PALLD: variants seen among roughly 807,000 people sequenced by gnomAD.
PALLD encodes the protein palladin.
Under a neutral mutation model 123.5 loss-of-function variants are expected in PALLD, and 61 were observed. The ratio of observed to expected loss-of-function variants is 0.49; its 90% CI spans 0.40 to 0.61. PALLD has a LOEUF of 0.61. Ranked by LOEUF, PALLD falls within the 20% of genes least tolerant of loss-of-function variation. The pLI is 0.00. For synonymous variants in PALLD, 465 were observed against 496.4 expected, an observed-to-expected ratio of 0.94 and a Z score of 0.84; for missense variants, 1,273 against 1,377.0, an observed-to-expected ratio of 0.92 and a Z score of 1.20.
chr4:168,852,009 G>A (rs1157020376), intron 10 of PALLD, among the ~76,000 whole-genome samples: 1 of 152,198 alleles, frequency 6.6e-6, no homozygotes. Context: ...CCAGTGGAGT[G>A]AATCTGGAAG....
In PALLD at chr4:168,749,355, C is replaced by G. The variant is rs527578190; in HGVS notation, c.1964+37432C>G. Among the ~76,000 whole-genome samples the G allele has an allele frequency of 2.0e-5, 3 of 152,008 alleles. No homozygotes were observed. In the South Asian group the frequency reaches 6.2e-4, roughly 32 times the overall value. ...TCCTTTATAGAAACACAAGAACGGCCTAACACACTACATAATGTAACTAAT... is the reference window on the plus strand; with the variant it reads ...TCCTTTATAGAAACACAAGAACGGCGTAACACACTACATAATGTAACTAAT... On this transcript the variant is annotated intron_variant, in intron 10 of 21. Coordinates refer to ENST00000505667, the MANE Select transcript of PALLD (RefSeq NM_001166108.2).
intron 6 of PALLD, among the ~76,000 whole-genome samples, chr4:168,687,678 C>A (rs1782208653): frequency 1.3e-5 from 2 of 152,022 alleles, no homozygotes; most frequent in South Asian, 4.2e-4. Context: ...TGGAATTCCT[C>A]CTGGGCACCA....
At chr4:168,604,995 T>C (rs1773027384) in intron 2 of PALLD, among the ~76,000 whole-genome samples, 1 of 152,230 alleles carries the variant, frequency 6.6e-6, no homozygotes, top group African/African-American at 2.4e-5. Context: ...AAAGCAAGTT[T>C]GCTTTTTTGT....
intron 10 of PALLD, among the ~76,000 whole-genome samples, chr4:168,853,554 G>A (rs72701900): frequency 0.057 from 8,693 of 152,246 alleles, 356 homozygotes; most frequent in Middle Eastern, 0.18. Context: ...CCTGAGGAAA[G>A]AGCCTCAGGA....
At chr4:168,907,385 T>C (rs1758022683) in intron 15 of PALLD, among the ~76,000 whole-genome samples, 1 of 152,142 alleles carries the variant, frequency 6.6e-6, no homozygotes, top group African/African-American at 2.4e-5. Context: ...TTCTACCCAG[T>C]ATGTTGTTGC....
Position 168,785,856 on chromosome 4 carries a change from T to G in PALLD, c.1964+73933T>G, listed in dbSNP as rs1376773640. Among the ~76,000 whole-genome samples, 328 of 129,036 alleles carry G rather than the reference T, an allele frequency of 2.5e-3. 7 individuals are homozygous for G. The highest frequency in any genetic ancestry group is 9.0e-3 in the African/African-American group (308 of 34,336). The allele number at this position is 129,036 out of a possible 152,430, so 84.7% of individuals were successfully genotyped here. The stretch of plus-strand genomic sequence containing the variant: ...CTAATAAACTGTAGAGATATATATA[T>G]ATATATATATATATATATATAGCAT... On this transcript the variant is annotated intron_variant, in intron 10 of 21. Coordinates refer to ENST00000505667, the MANE Select transcript of PALLD (RefSeq NM_001166108.2).
At chr4:168,766,897 T>C (rs1733743544) in intron 10 of PALLD, among the ~76,000 whole-genome samples, 1 of 152,218 alleles carries the variant, frequency 6.6e-6, no homozygotes, top group Non-Finnish European at 1.5e-5. Context: ...GGATGGGTCT[T>C]ATCTCATTGG....
At chr4:168,627,912 T>G (rs1775453438) in intron 2 of PALLD, among the ~76,000 whole-genome samples, 1 of 152,218 alleles carries the variant, frequency 6.6e-6, no homozygotes, top group Non-Finnish European at 1.5e-5. Flanking sequence ...GAGTCAAAAC[T>G]ATCTTGAGAC....
intron 2 of PALLD, among the ~76,000 whole-genome samples, chr4:168,600,086 T>C (rs1232484730): frequency 9.3e-6 from 1 of 106,980 alleles, no homozygotes; most frequent in Non-Finnish European, 2.2e-5. Flanking sequence ...CACACATATA[T>C]ACATGCATGT....
chr4:168,889,530 T>C (rs1286694218), intron 10 of PALLD, among the ~76,000 whole-genome samples: 1 of 152,160 alleles, frequency 6.6e-6, no homozygotes, highest in African/African-American at 2.4e-5. Flanking sequence ...AGGAAGTATA[T>C]ACAATTTATA....
chr4:168,659,745 A>C (rs1485891492), intron 2 of PALLD, among the ~76,000 whole-genome samples: 1 of 152,256 alleles, frequency 6.6e-6, no homozygotes, highest in Non-Finnish European at 1.5e-5. Flanking sequence ...GTTATAAGTC[A>C]GATTTGTTTC....
chr4:168,500,706 G>T (rs1761313203), intron 1 of PALLD, among the ~76,000 whole-genome samples: 1 of 152,060 alleles, frequency 6.6e-6, no homozygotes, highest in Non-Finnish European at 1.5e-5. Context: ...TGACAACATA[G>T]AGGATTCTCC....
chr4:168,541,808 T>A, intron 2 of PALLD, among the ~76,000 whole-genome samples: 1 of 152,200 alleles, frequency 6.6e-6, no homozygotes, highest in Non-Finnish European at 1.5e-5. Flanking sequence ...GCCATTTGAT[T>A]GCCCAATTAT....
intron 2 of PALLD, among the ~76,000 whole-genome samples, chr4:168,658,130 T>TCTC (rs1778763987): frequency 6.6e-6 from 1 of 152,202 alleles, no homozygotes; most frequent in Non-Finnish European, 1.5e-5. Flanking sequence ...AACTGCTGAC[T>TCTC]CCAAGTCCTA....
intron 2 of PALLD, among the ~76,000 whole-genome samples, chr4:168,540,358 G>A (rs1031048523): frequency 6.6e-6 from 1 of 152,158 alleles, no homozygotes; most frequent in Non-Finnish European, 1.5e-5. Context: ...CATTTGATTT[G>A]TGCCTGTTAC....
At chr4:168,620,003 A>G (rs1207206846) in intron 2 of PALLD, among the ~76,000 whole-genome samples, 2 of 151,036 alleles carry the variant, frequency 1.3e-5, no homozygotes, top group Non-Finnish European at 2.9e-5. Flanking sequence ...CACAATGTAA[A>G]TGTTTAAGAC....
intron 10 of PALLD, among the ~76,000 whole-genome samples, chr4:168,843,468 G>A (rs539090943): frequency 4.6e-5 from 7 of 152,144 alleles, no homozygotes; most frequent in Non-Finnish European, 7.3e-5. Context: ...TAGCACATAC[G>A]TAGTATAAGA....
intron 10 of PALLD, among the ~76,000 whole-genome samples, chr4:168,796,142 A>T (rs562625896): frequency 1.3e-5 from 2 of 152,150 alleles, no homozygotes; most frequent in South Asian, 4.1e-4. Context: ...ACTGGGTCTT[A>T]TTCATTCTTC....
At chr4:168,596,272 C>T (rs1177935674) in intron 2 of PALLD, among the ~76,000 whole-genome samples, 3 of 152,024 alleles carry the variant, frequency 2.0e-5, no homozygotes, top group African/African-American at 7.2e-5. Context: ...ATCTTAAGTG[C>T]TATAAAGATA....
Sources: gnomAD v4.1 joint callset for allele counts (sites outside exome capture counted in the v4.1 genomes callset) on GRCh38, gnomAD v4.1.1 for gene constraint, MANE v1.5 for transcripts, NCBI Gene and HGNC (gene_info 2026-07-23, HGNC 2026-07-21) for gene names.